The following MLIP variants were observed in gnomAD, a reference collection of about 807,000 sequenced individuals.
MLIP encodes the protein muscular LMNA interacting protein, also known as muscular LMNA-interacting protein.
Under a neutral mutation model 84.8 loss-of-function variants are expected in MLIP, and 79 were observed. The ratio of observed to expected loss-of-function variants is 0.93; its 90% CI spans 0.78 to 1.12. The LOEUF (loss-of-function observed/expected upper bound fraction) is 1.12, where lower values mean the gene tolerates loss of function less well. Ranked by LOEUF, MLIP falls within the 50% of genes most tolerant of loss-of-function variation. The pLI, the probability that MLIP is intolerant of heterozygous loss-of-function variation, is 0.00. For synonymous variants in MLIP, 504 were observed against 463.0 expected (o/e 1.09, Z -1.14); for missense variants, 1,257 against 1,160.6 (o/e 1.08, Z -1.21).
Position 54,149,122 on chromosome 6 carries a change from C to T in MLIP, c.2284C>T (p.Gln762Ter). 4 of 1,612,286 alleles carry T rather than the reference C, an allele frequency of 2.5e-6. No homozygotes were observed. The highest frequency in any genetic ancestry group is 3.4e-6 in the Non-Finnish European group (4 of 1,178,780). ...AIPTNTLLLEQKALDEPAKTE... is the reference protein window; with the variant it reads ...AIPTNTLLLE ...CCCTACAAACACATTGCTTTTGGAACAGAAGGTCAGTGTTGGCTCAAAAAC... is the reference window on the plus strand; with the variant it reads ...CCCTACAAACACATTGCTTTTGGAATAGAAGGTCAGTGTTGGCTCAAAAAC... Residue 762 changes from glutamine (Q) to a stop codon, truncating the protein, a stop_gained, in exon 5 of 14, where the codon CAG becomes TAG. Coordinates refer to ENST00000502396, the MANE Select transcript of MLIP (RefSeq NM_001281747.2). LOFTEE classifies it high-confidence loss of function.
At chr6:54,131,385 A>G (rs9382292) in intron 3 of MLIP, among the ~76,000 whole-genome samples, 1 of 151,812 alleles carries the variant, frequency 6.6e-6, no homozygotes, top group African/African-American at 2.4e-5. Context: ...TTTAATTTTT[A>G]TTTTTTTTAA....
chr6:54,129,818 T>C (rs631431), intron 3 of MLIP, among the ~76,000 whole-genome samples: 149,725 of 152,250 alleles, frequency 0.98, 73,677 homozygotes, highest in Non-Finnish European at 1. Context: ...GGGGCCTGAC[T>C]GTGCAAGAAT....
intron 1 of MLIP, among the ~76,000 whole-genome samples, chr6:54,080,595 T>C (rs1386719123): frequency 6.6e-6 from 1 of 151,640 alleles, no homozygotes; most frequent in Non-Finnish European, 1.5e-5. Context: ...CATATAACTA[T>C]ACCCATGTGA....
intron 1 of MLIP, among the ~76,000 whole-genome samples, chr6:54,067,471 C>A (rs1320313092): frequency 4.9e-5 from 5 of 101,010 alleles, no homozygotes; most frequent in African/African-American, 1.3e-4. Flanking sequence ...TCCTAATTAA[C>A]CTTCCACAGC....
chr6:54,151,397 A>T (rs1582292106), intron 5 of MLIP, among the ~76,000 whole-genome samples: 1 of 152,148 alleles, frequency 6.6e-6, no homozygotes, highest in Non-Finnish European at 1.5e-5. Flanking sequence ...ATTTATACTC[A>T]TCTGTTTATA....
chr6:54,059,973 G>A (rs1185729563), intron 1 of MLIP, among the ~76,000 whole-genome samples: 1 of 152,242 alleles, frequency 6.6e-6, no homozygotes, highest in East Asian at 1.9e-4. Flanking sequence ...GCATAGGCAT[G>A]TAGTGATTTC....
intron 4 of MLIP, among the ~76,000 whole-genome samples, chr6:54,147,481 T>A (rs183457131): frequency 6.6e-6 from 1 of 152,034 alleles, no homozygotes; most frequent in Non-Finnish European, 1.5e-5. Context: ...ACCTGAGACA[T>A]CTTCTAGCAA....
intron 1 of MLIP, among the ~76,000 whole-genome samples, chr6:54,071,419 A>AT (rs768230482): frequency 2.6e-5 from 4 of 152,198 alleles, no homozygotes; most frequent in Admixed American, 2.6e-4. Flanking sequence ...TTATTTCTCT[A>AT]TTTTTTTATA....
chr6:54,142,522 AG>A (rs2150501543), intron 4 of MLIP, among the ~76,000 whole-genome samples: 1 of 152,318 alleles, frequency 6.6e-6, no homozygotes, highest in Admixed American at 6.5e-5. Context: ...ACAGGTACAA[AG>A]AACACATTCT....
intron 11 of MLIP, among the ~76,000 whole-genome samples, chr6:54,205,791 T>C (rs908209150): frequency 3.3e-5 from 5 of 152,184 alleles, no homozygotes; most frequent in Non-Finnish European, 5.9e-5. Flanking sequence ...AAACGAAACC[T>C]TCAAAATGAA....
intron 1 of MLIP, among the ~76,000 whole-genome samples, chr6:54,024,105 T>C (rs1763664010): frequency 6.6e-6 from 1 of 152,122 alleles, no homozygotes; most frequent in African/African-American, 2.4e-5. Flanking sequence ...CTCCGCCTCC[T>C]GGGTTCAAGC....
rs543801237 is a variant in MLIP, at chr6:54,210,114, C to T, written c.2718+7881C>T. ...TTGTGACTGGCCTCAGGAATTCTCC[C>T]TTCCACACCTGCCCACCTCACCTCA... On this transcript the variant is annotated intron_variant, in intron 11 of 13. Transcript: ENST00000502396. 1.3e-4 allele frequency among the ~76,000 whole-genome samples: 19 copies of T among 151,282 alleles called. No individual in the cohort carries two copies. In the South Asian group the frequency reaches 3.1e-3, roughly 25 times the overall value.
At chr6:54,252,769 A>T (rs10948803) in intron 12 of MLIP, among the ~76,000 whole-genome samples, 49,878 of 151,488 alleles carry the variant, frequency 0.33, 11,716 homozygotes, top group African/African-American at 0.67. Flanking sequence ...AAACCAGAAA[A>T]ACAAACCGGC....
At chr6:54,216,710 G>C in intron 11 of MLIP, 1 of 985,316 alleles carries the variant, frequency 1.0e-6, no homozygotes. Flanking sequence ...AAATATATGT[G>C]TTGCTTTAAA....
At chr6:54,086,132 T>G (rs1357027689) in intron 1 of MLIP, among the ~76,000 whole-genome samples, 3 of 152,202 alleles carry the variant, frequency 2.0e-5, no homozygotes, top group East Asian at 3.8e-4. Context: ...CACCTCTGCA[T>G]GTGTGTTCAT....
chr6:54,131,513 C>T (rs1483936746), intron 3 of MLIP, among the ~76,000 whole-genome samples: 1 of 152,060 alleles, frequency 6.6e-6, no homozygotes, highest in Non-Finnish European at 1.5e-5. Flanking sequence ...CTGTCATATT[C>T]TATCAGTTAG....
chr6:54,240,596 T>C (rs376284772), intron 12 of MLIP, among the ~76,000 whole-genome samples: 1 of 152,200 alleles, frequency 6.6e-6, no homozygotes, highest in Non-Finnish European at 1.5e-5. Flanking sequence ...GCTGTAATAG[T>C]AGGACATTTA....
chr6:54,069,226 T>C lies in MLIP; in HGVS notation c.63+50135T>C, dbSNP rs1225393029. Among the ~76,000 whole-genome samples, 2 of 101,540 alleles carry C rather than the reference T, an allele frequency of 2.0e-5. 1 individual carries two copies. The highest frequency in any genetic ancestry group is 5.1e-5 in the African/African-American group (2 of 39,482). The allele number at this position is 101,540 out of a possible 152,430, so 66.6% of individuals were successfully genotyped here. A position where few individuals can be genotyped will look rare whatever the true frequency, so the allele number is the denominator to read the frequency against. On this transcript the variant is annotated intron_variant, in intron 1 of 12. Coordinates refer to the MLIP transcript ENST00000274897. Reference sequence around the variant, plus strand: ...TTATACTAGTTTATTCATTTATTTGTTAGATCTAGGAGATGTATTTGTTTC... The same window carrying C: ...TTATACTAGTTTATTCATTTATTTGCTAGATCTAGGAGATGTATTTGTTTC...
intron 1 of MLIP, among the ~76,000 whole-genome samples, chr6:54,059,480 G>A (rs1765843794): frequency 6.6e-6 from 1 of 152,134 alleles, no homozygotes; most frequent in African/African-American, 2.4e-5. Flanking sequence ...AATATATGAG[G>A]AGGGGAAATA....
Sources: gnomAD v4.1 joint callset for allele counts (sites outside exome capture counted in the v4.1 genomes callset) on GRCh38, gnomAD v4.1.1 for gene constraint, MANE v1.5 for transcripts, NCBI Gene and HGNC (gene_info 2026-07-23, HGNC 2026-07-21) for gene names.